CCNY: variants seen among roughly 807,000 people sequenced by gnomAD.
The protein encoded by CCNY is cyclin Y.
In CCNY, 19 loss-of-function variants were observed where a neutral mutation model predicts 42.8. The observed-to-expected ratio is 0.44, with a 90% CI of 0.31 to 0.65. The LOEUF (loss-of-function observed/expected upper bound fraction) is 0.65, where lower values mean the gene tolerates loss of function less well. Among genes scored for constraint, CCNY ranks in the 30% least tolerant of loss-of-function variants. The probability of loss-of-function intolerance (pLI) is 0.07; values close to 1 mark genes in which losing one functional copy is unlikely to be tolerated. For synonymous variants in CCNY, 165 were observed against 162.7 expected (o/e 1.01, Z -0.11); for missense variants, 370 against 437.3 (o/e 0.85, Z 1.37).
At chr10:35,330,343 C>CT (rs1281023492) in intron 3 of CCNY, among the ~76,000 whole-genome samples, 1 of 152,150 alleles carries the variant, frequency 6.6e-6, no homozygotes, top group East Asian at 1.9e-4. Context: ...TTTCTTTTTC[C>CT]TACCTATACC....
At chr10:35,468,471 TA>T (rs1192758517) in intron 1 of CCNY, among the ~76,000 whole-genome samples, 5 of 152,264 alleles carry the variant, frequency 3.3e-5, no homozygotes, top group Non-Finnish European at 7.3e-5. Context: ...AACTCCCTTT[TA>T]TTTTTTTCAG....
chr10:35,516,210 A>G (rs2135407505), intron 3 of CCNY, among the ~76,000 whole-genome samples: 1 of 152,332 alleles, frequency 6.6e-6, no homozygotes, highest in South Asian at 2.1e-4. Flanking sequence ...CATGTTTCAT[A>G]CAAGCCATGG....
intron 2 of CCNY, among the ~76,000 whole-genome samples, chr10:35,500,026 A>G (rs1840079552): frequency 6.6e-6 from 1 of 152,214 alleles, no homozygotes; most frequent in Non-Finnish European, 1.5e-5. Flanking sequence ...TTTCATGTGG[A>G]TTCTTCCTTG....
Position 35,539,695 on chromosome 10 carries a change from G to A in CCNY, c.579+9452G>A, listed in dbSNP as rs187439952. Among the ~76,000 whole-genome samples, 1,031 of 152,298 alleles carry A rather than the reference G, an allele frequency of 6.8e-3. 11 individuals are homozygous for A. The highest frequency in any genetic ancestry group is 0.024 in the African/African-American group (985 of 41,562). Reference sequence around the variant, plus strand: ...CCAGCTACTCGGGAGGCTGAGGCAGGAGAATCGCTTGAACCCGGGAGGCAG... The same window carrying A: ...CCAGCTACTCGGGAGGCTGAGGCAGAAGAATCGCTTGAACCCGGGAGGCAG... On this transcript the variant is annotated intron_variant, in intron 7 of 9. Transcript: ENST00000374704.
chr10:35,519,257 G>T (rs1840494429), intron 4 of CCNY, among the ~76,000 whole-genome samples: 1 of 151,962 alleles, frequency 6.6e-6, no homozygotes, highest in Admixed American at 6.5e-5. Flanking sequence ...TCTGGCTGAG[G>T]TATACTGTGA....
At chr10:35,546,516 A>G (rs1007610987) in intron 7 of CCNY, among the ~76,000 whole-genome samples, 1 of 152,246 alleles carries the variant, frequency 6.6e-6, no homozygotes, top group Non-Finnish European at 1.5e-5. Context: ...TCAACCGTGT[A>G]TTATTTTACT....
At chr10:35,495,119 C>T (rs150882005) in intron 2 of CCNY, among the ~76,000 whole-genome samples, 63 of 152,296 alleles carry the variant, frequency 4.1e-4, no homozygotes, top group African/African-American at 1.4e-3. Context: ...TCTGGACCCA[C>T]GCATTTCAGA....
At chr10:35,324,775 A>G (rs1835860199) in intron 3 of CCNY, among the ~76,000 whole-genome samples, 1 of 152,216 alleles carries the variant, frequency 6.6e-6, no homozygotes, top group Non-Finnish European at 1.5e-5. Context: ...TAAAGTTGAA[A>G]TGGGTCTGAA....
chr10:35,338,343 T>C (rs1440449896), intron 1 of CCNY, among the ~76,000 whole-genome samples: 1 of 152,260 alleles, frequency 6.6e-6, no homozygotes, highest in African/African-American at 2.4e-5. Flanking sequence ...TAGGAGAGCA[T>C]CTTTATTAAA....
chr10:35,317,595 T>C (rs930186528), intron 3 of CCNY, among the ~76,000 whole-genome samples: 2 of 152,236 alleles, frequency 1.3e-5, no homozygotes, highest in Non-Finnish European at 2.9e-5. Context: ...TACAACTGCA[T>C]GAAGACTGCA....
At chr10:35,395,200 A>G (rs940795509) in intron 1 of CCNY, among the ~76,000 whole-genome samples, 7 of 152,200 alleles carry the variant, frequency 4.6e-5, no homozygotes, top group African/African-American at 1.4e-4. Context: ...TTTTTACCAG[A>G]AAGTGATGGG....
At chr10:35,539,392 TCTTCTAA>T (rs1404234402) in intron 7 of CCNY, among the ~76,000 whole-genome samples, 1 of 152,256 alleles carries the variant, frequency 6.6e-6, no homozygotes, top group Non-Finnish European at 1.5e-5. Context: ...CATTCAAATC[TCTTCTAA>T]CATGGAATAT....
intron 1 of CCNY, among the ~76,000 whole-genome samples, chr10:35,409,918 T>C (rs978113926): frequency 3.3e-5 from 5 of 152,112 alleles, no homozygotes; most frequent in Admixed American, 2.0e-4. Context: ...GGCTAATTTA[T>C]TTTTTGTAGA....
At chr10:35,500,416 A>G (rs181759349) in intron 2 of CCNY, among the ~76,000 whole-genome samples, 2 of 152,380 alleles carry the variant, frequency 1.3e-5, no homozygotes, top group Admixed American at 1.3e-4. Context: ...GAGTGATAGA[A>G]AAACAGTTCC....
chr10:35,307,220 C>T (rs1342188878), intron 3 of CCNY, among the ~76,000 whole-genome samples: 2 of 152,194 alleles, frequency 1.3e-5, no homozygotes, highest in African/African-American at 4.8e-5. Flanking sequence ...AAAATGCTAG[C>T]TCATAGTCCA....
intron 1 of CCNY, among the ~76,000 whole-genome samples, chr10:35,452,675 A>G (rs1022605252): frequency 2.0e-5 from 3 of 151,066 alleles, no homozygotes; most frequent in South Asian, 2.1e-4. Context: ...GAAAAACTGT[A>G]TGTGTCAGTA....
intron 1 of CCNY, among the ~76,000 whole-genome samples, chr10:35,425,704 G>A (rs116135260): frequency 0.011 from 1,674 of 152,238 alleles, 41 homozygotes; most frequent in African/African-American, 0.039. Flanking sequence ...TGTAATAGTT[G>A]GGAGCACGAG....
intron 3 of CCNY, among the ~76,000 whole-genome samples, chr10:35,320,686 GCAGATGACAT>G (rs1469047301): frequency 1.3e-5 from 2 of 152,166 alleles, no homozygotes; most frequent in East Asian, 1.9e-4. Flanking sequence ...CTGTCTATCT[GCAGATGACAT>G]GATTGTGTAT....
chr10:35,395,370 A>G (rs1837500976), intron 1 of CCNY, among the ~76,000 whole-genome samples: 1 of 152,194 alleles, frequency 6.6e-6, no homozygotes. Flanking sequence ...CTCAATGGCA[A>G]GTGCAGCATG....
Sources: allele counts gnomAD v4.1 joint callset (sites outside exome capture counted in the v4.1 genomes callset), GRCh38; gene constraint gnomAD v4.1.1; transcripts MANE v1.5; gene names NCBI Gene and HGNC (gene_info 2026-07-23, HGNC 2026-07-21).